The following MSRA variants were observed in gnomAD, a reference collection of about 807,000 sequenced individuals.
The protein encoded by MSRA is methionine sulfoxide reductase A.
Under a neutral mutation model 31.3 loss-of-function variants are expected in MSRA, and 54 were observed. The observed-to-expected ratio is 1.73, with a 90% confidence interval of 1.39 to 2.17. The LOEUF (loss-of-function observed/expected upper bound fraction) is 2.17, where lower values mean the gene tolerates loss of function less well. MSRA is among the 30% of genes most tolerant of loss of function. MSRA has a pLI of 0.00. For synonymous variants in MSRA, 169 were observed against 116.5 expected, an observed-to-expected ratio of 1.45 and a Z score of -2.90; for missense variants, 507 against 300.9, an observed-to-expected ratio of 1.69 and a Z score of -5.07.
chr8:10,239,783 T>C (rs1812253143), intron 2 of MSRA, among the ~76,000 whole-genome samples: 1 of 152,184 alleles, frequency 6.6e-6, no homozygotes, highest in African/African-American at 2.4e-5. Context: ...AGATAGTAAA[T>C]GAAGTCAATC....
chr8:10,057,230 G>A (rs111585944), intron 1 of MSRA, among the ~76,000 whole-genome samples: 1 of 152,290 alleles, frequency 6.6e-6, no homozygotes, highest in African/African-American at 2.4e-5. Context: ...AGGTTAGGGG[G>A]CATCTGGGCA....
At chr8:10,387,051 G>C (rs1046370931) in intron 5 of MSRA, among the ~76,000 whole-genome samples, 17 of 152,122 alleles carry the variant, frequency 1.1e-4, no homozygotes, top group Admixed American at 2.6e-4. Context: ...GGTGGGGCCT[G>C]AGCTTCTGCA....
intron 1 of MSRA, among the ~76,000 whole-genome samples, chr8:10,104,334 G>A (rs1366620395): frequency 1.3e-5 from 2 of 152,316 alleles, no homozygotes; most frequent in East Asian, 3.9e-4. Flanking sequence ...TTTTGCCAAG[G>A]TTAAGGATGC....
chr8:10,260,205 C>T (rs1563280708), intron 3 of MSRA, among the ~76,000 whole-genome samples: 1 of 152,178 alleles, frequency 6.6e-6, no homozygotes, highest in Non-Finnish European at 1.5e-5. Flanking sequence ...CTCTCCTTGC[C>T]ATTTGGTCCA....
At chr8:10,289,048 G>A (rs1016734839) in intron 3 of MSRA, among the ~76,000 whole-genome samples, 9 of 150,294 alleles carry the variant, frequency 6.0e-5, no homozygotes, top group South Asian at 2.1e-4. Context: ...ATGGAGTCTC[G>A]CTCTGTCGCC....
At chr8:10,249,083 T>G (rs1341536913) in intron 3 of MSRA, among the ~76,000 whole-genome samples, 1 of 152,114 alleles carries the variant, frequency 6.6e-6, no homozygotes, top group Non-Finnish European at 1.5e-5. Context: ...CTCTCTTGGG[T>G]GTTCTGGGCA....
chr8:10,084,383 G>T (rs1563414986), intron 1 of MSRA, among the ~76,000 whole-genome samples: 1 of 152,242 alleles, frequency 6.6e-6, no homozygotes, highest in Admixed American at 6.5e-5. Context: ...CTGACTCATA[G>T]GATCTGATGC....
rs117928496 is a variant in MSRA, at chr8:10,222,025, T to C, written c.211+14124T>C. 7.9e-3 allele frequency among the ~76,000 whole-genome samples: 1,206 copies of C among 151,788 alleles called. 9 individuals are homozygous for C. Among genetic ancestry groups the C allele is most frequent in the South Asian group, 0.041 (194 of 4,790 alleles). On this transcript the variant is annotated intron_variant, in intron 2 of 5. Transcript: ENST00000317173. ...GTGGGTAATTGTGGGGACTTTAACA[T>C]TTATTTTGCACACTATAGGAAGTCT...
chr8:10,353,493 AGGCCCG>A (rs1804319899), intron 5 of MSRA: 14 of 310,756 alleles, frequency 4.5e-5, no homozygotes, highest in African/African-American at 1.2e-4. Flanking sequence ...GGAGGCCCGG[AGGCCCG>A]TGTATCTGTG....
chr8:10,210,584 A>G (rs1246617689), intron 2 of MSRA, among the ~76,000 whole-genome samples: 1 of 152,212 alleles, frequency 6.6e-6, no homozygotes, highest in African/African-American at 2.4e-5. Flanking sequence ...TGACCACAGT[A>G]GCATGTATTA....
intron 3 of MSRA, among the ~76,000 whole-genome samples, chr8:10,247,937 C>G (rs4841296): frequency 0.35 from 53,058 of 151,798 alleles, 10,354 homozygotes; most frequent in Non-Finnish European, 0.46. Context: ...ATTATGGTAA[C>G]TAGCTAATTA....
At chr8:10,161,569 GCCTCCTT>G (rs1410410784) in intron 1 of MSRA, among the ~76,000 whole-genome samples, 1 of 152,134 alleles carries the variant, frequency 6.6e-6, no homozygotes, top group African/African-American at 2.4e-5. Context: ...TCTTAGGAGA[GCCTCCTT>G]TGCCTCCTTT....
intron 1 of MSRA, among the ~76,000 whole-genome samples, chr8:10,101,466 A>C (rs555233154): frequency 6.6e-6 from 1 of 152,172 alleles, no homozygotes; most frequent in African/African-American, 2.4e-5. Flanking sequence ...ACCGTCATCA[A>C]GCCACAGAAG....
chr8:10,411,500 A>T (rs765907182), intron 5 of MSRA: 5 of 53,218 alleles, frequency 9.4e-5, no homozygotes, highest in South Asian at 4.0e-4. Context: ...ATATAATAAT[A>T]AAAAAAAAAA....
At position 10,323,389 on chromosome 8, in the gene MSRA, G is replaced by C. The variant is rs146207769; in HGVS notation, c.543+3400G>C. Reference sequence around the variant, plus strand: ...CCAAGAGTAATACCAAGCGACTCTGGAAGCATATTAACTGCCCTCCAGAAT... The same window carrying C: ...CCAAGAGTAATACCAAGCGACTCTGCAAGCATATTAACTGCCCTCCAGAAT... On this transcript the variant is annotated intron_variant, in intron 5 of 5. Transcript: ENST00000317173. Among the ~76,000 whole-genome samples, 5 of 152,248 alleles carry C rather than the reference G, an allele frequency of 3.3e-5. No homozygotes were observed. The East Asian group carries it at 9.7e-4, about 29-fold the overall frequency.
rs35866533 is a variant in MSRA, at chr8:10,261,389, T to TAA, written c.331+16181_331+16182dup. On this transcript the variant is annotated intron_variant, in intron 3 of 5. Transcript: ENST00000317173. The stretch of plus-strand genomic sequence containing the variant: ...CATGAAGGGTATATAATCTGTTACT[T>TAA]AAAAAAAAAAAAAAAAGACTATAAG... Among the ~76,000 whole-genome samples the TAA allele has an allele frequency of 3.4e-3, 492 of 143,084 alleles. 6 individuals carry two copies. Among genetic ancestry groups the TAA allele is most frequent in the South Asian group, 0.014 (66 of 4,566 alleles). 93.9% of individuals were successfully genotyped at this position (143,084 alleles called of 152,430 possible). A position where few individuals can be genotyped will look rare whatever the true frequency, so the allele number is the denominator to read the frequency against.
intron 1 of MSRA, among the ~76,000 whole-genome samples, chr8:10,147,815 C>T (rs1690183753): frequency 6.6e-6 from 1 of 152,224 alleles, no homozygotes; most frequent in South Asian, 2.1e-4. Flanking sequence ...AGACAGGTCA[C>T]CGTTTCTCTG....
intron 1 of MSRA, among the ~76,000 whole-genome samples, chr8:10,112,223 A>T (rs551534927): frequency 6.6e-6 from 1 of 152,348 alleles, no homozygotes; most frequent in East Asian, 1.9e-4. Context: ...AATAGTTCTT[A>T]GGAAAGCTAG....
chr8:10,261,945 G>A (rs1172237022), intron 3 of MSRA, among the ~76,000 whole-genome samples: 2 of 152,176 alleles, frequency 1.3e-5, no homozygotes, highest in African/African-American at 4.8e-5. Flanking sequence ...TCAAGCAGCT[G>A]TGTGATTCGA....
Sources: gnomAD v4.1 joint callset for allele counts (sites outside exome capture counted in the v4.1 genomes callset) on GRCh38, gnomAD v4.1.1 for gene constraint, MANE v1.5 for transcripts, NCBI Gene and HGNC (gene_info 2026-07-23, HGNC 2026-07-21) for gene names.